Variants in RNF139 observed in about 807,000 individuals in gnomAD.
The protein encoded by RNF139 is E3 ubiquitin-protein ligase RNF139.
A neutral mutation model predicts 49.5 loss-of-function variants in RNF139; 15 were observed. The ratio of observed to expected loss-of-function variants is 0.30; its 90% CI spans 0.20 to 0.47. The LOEUF is 0.47. Among genes scored for constraint, RNF139 ranks in the 20% least tolerant of loss-of-function variants. RNF139 has a pLI of 1.00. For synonymous variants in RNF139, 325 were observed against 300.9 expected, an observed-to-expected ratio of 1.08 and a Z score of -0.83; for missense variants, 619 against 806.3, an observed-to-expected ratio of 0.77 and a Z score of 2.81.
Position 124,487,350 on chromosome 8 carries a change from C to A in RNF139, c.1701C>A (p.Phe567Leu). The A allele has an allele frequency of 6.2e-7, 1 of 1,614,120 alleles. No individual in the cohort carries two copies. Among genetic ancestry groups the A allele is most frequent in the Non-Finnish European group, 8.5e-7 (1 of 1,179,996 alleles). ...SARITPCNHYFHALCLRKWLY... is the reference protein window; with the variant it reads ...SARITPCNHYLHALCLRKWLY... ...GTATTACACCGTGTAATCATTATTT[C>A]CATGCACTTTGCCTTCGGAAATGGC... The change falls in exon 2 of 2, where the codon TTC becomes TTA. Residue 567 changes from phenylalanine to leucine, a missense_variant. Phe to Leu is a conservative substitution (Grantham distance 22, BLOSUM62 0). Transcript: ENST00000303545.
Position 124,487,005 on chromosome 8 carries a change from C to T in RNF139, c.1356C>T (p.Val452=). The T allele has an allele frequency of 6.2e-7, 1 of 1,614,020 alleles. No individual in the cohort carries two copies. The highest frequency in any genetic ancestry group is 1.1e-5 in the South Asian group (1 of 91,080). Residue 452 remains valine (V), a synonymous_variant, in exon 2 of 2, where the codon GTC becomes GTT. Transcript: ENST00000303545. ...TCATGATTGATGGCTACTATAATGT[C>T]CTCTGGGAAAAGCTTGACGATTATG... ...TLFMIDGYYN[V]LWEKLDDYVY...
chr8:124,483,026 TAAATA>T (rs1228090355), intron 1 of RNF139, among the ~76,000 whole-genome samples: 7 of 94,274 alleles, frequency 7.4e-5, no homozygotes, highest in African/African-American at 3.5e-4. Flanking sequence ...TATATATATT[TAAATA>T]TATATATATT....
chr8:124,475,674 G>A (rs1563628701), intron 1 of RNF139, among the ~76,000 whole-genome samples: 1 of 152,208 alleles, frequency 6.6e-6, no homozygotes, highest in Non-Finnish European at 1.5e-5. Context: ...CTGCCAAGGC[G>A]TGGGCCTCAG....
Position 124,487,137 on chromosome 8 carries a change from G to A in RNF139, c.1488G>A (p.Arg496=). 1 of 1,613,798 alleles carries A rather than the reference G, an allele frequency of 6.2e-7. No individual in the cohort carries two copies. Among genetic ancestry groups the A allele is most frequent in the Non-Finnish European group, 8.5e-7 (1 of 1,179,986 alleles). Residue 496 remains arginine, a synonymous_variant, in exon 2 of 2, where the codon CGG becomes CGA. Coordinates refer to ENST00000303545, the MANE Select transcript of RNF139 (RefSeq NM_007218.4). ...TGTTTGAGTCGGGAAGTAAAATTCG[G>A]GCTTTTATGATGTGCCTACATGCAT... The part of the protein sequence containing the change: ...TMMFESGSKI[R]AFMMCLHAYF...
intron 1 of RNF139, among the ~76,000 whole-genome samples, chr8:124,475,573 G>A (rs2131295534): frequency 6.6e-6 from 1 of 152,326 alleles, no homozygotes; most frequent in South Asian, 2.1e-4. Context: ...CGTTTGCCTT[G>A]GGAAATGAGT....
chr8:124,485,744 T>C, intron 1 of RNF139, 87 bp from the exon 2 acceptor site: 1 of 1,115,398 alleles, frequency 9.0e-7, no homozygotes, highest in Non-Finnish European at 1.3e-6. Flanking sequence ...TCATATTTCC[T>C]AATTAAAGGA....
chr8:124,488,469 G>T lies in RNF139; in HGVS notation c.*825G>T. On this transcript the variant is annotated 3_prime_UTR_variant, in exon 2 of 2. Coordinates refer to ENST00000303545, the MANE Select transcript of RNF139 (RefSeq NM_007218.4). ...CGAGAAAAAGAAGGGGAATGGTGGG[G>T]AATGGTGTGTACCGATATATAGTAT... The T allele has an allele frequency of 1.9e-6, 1 of 516,428 alleles. No homozygotes were observed. The highest frequency in any genetic ancestry group is 3.4e-5 in the South Asian group (1 of 29,184). The allele number at this position is 516,428 out of a possible 1,614,324, so 32.0% of individuals were successfully genotyped here.
intron 1 of RNF139, among the ~76,000 whole-genome samples, chr8:124,478,091 C>T (rs774305636): frequency 3.3e-5 from 5 of 151,406 alleles, no homozygotes; most frequent in East Asian, 1.9e-4. Flanking sequence ...TGCAGTGAGC[C>T]GAGATCGCTC....
At chr8:124,475,670 A>G (rs1222365116) in intron 1 of RNF139, among the ~76,000 whole-genome samples, 1 of 152,200 alleles carries the variant, frequency 6.6e-6, no homozygotes, top group Non-Finnish European at 1.5e-5. Context: ...ACTTCTGCCA[A>G]GGCGTGGGCC....
chr8:124,486,095 C>G lies in RNF139; in HGVS notation c.446C>G (p.Ser149Cys). The change falls in exon 2 of 2, where the codon TCC (serine) becomes TGC (cysteine). Residue 149 changes from serine to cysteine, a missense_variant. By Grantham distance (112) the Ser-to-Cys change is moderately radical. Around this residue, in one of 2 missense-constraint regions of RNF139, gnomAD observed 530 missense variants for 728.9 expected, o/e 0.73. Transcript: ENST00000303545. ...TACGTTACACTACTCCAGATTCATT[C>G]CATCTATTCACAATTAATTATTTTG... ...IGYVTLLQIH[S>C]IYSQLIILDL... 1 of 1,614,114 alleles carries G rather than the reference C, an allele frequency of 6.2e-7. No individual in the cohort carries two copies. The highest frequency in any genetic ancestry group is 8.5e-7 in the Non-Finnish European group (1 of 1,179,998).
intron 1 of RNF139, among the ~76,000 whole-genome samples, chr8:124,475,974 A>T (rs1480012475): frequency 6.6e-6 from 1 of 152,208 alleles, no homozygotes; most frequent in Non-Finnish European, 1.5e-5. Flanking sequence ...TTTCGTATGG[A>T]TGGAGTGTTA....
chr8:124,487,459 A>C lies in RNF139; in HGVS notation c.1810A>C (p.Asn604His), dbSNP rs1249116976. 1 of 1,614,124 alleles carries C rather than the reference A, an allele frequency of 6.2e-7. No homozygotes were observed. The change falls in exon 2 of 2, where the codon AAC becomes CAC. Residue 604 changes from asparagine to histidine, a missense_variant. By Grantham distance (68) the Asn-to-His change is moderately conservative (BLOSUM62 1). Coordinates refer to ENST00000303545, the MANE Select transcript of RNF139 (RefSeq NM_007218.4). ...DIKDNSNVSNNNGFIPPNETP... is the reference protein window; with the variant it reads ...DIKDNSNVSNHNGFIPPNETP... ...CAAGGATAATTCAAATGTATCTAAC[A>C]ACAATGGATTTATTCCACCCAATGA...
At position 124,475,145 on chromosome 8, in the gene RNF139, G is replaced by A; in HGVS notation, c.36G>A (p.Arg12=). The part of the protein sequence containing the change: ...AAVGPPQQQV[R]MAHQQVWAAL... Reference sequence around the variant, plus strand: ...TGGGGCCCCCGCAGCAGCAGGTGCGGATGGCCCATCAGCAGGTCTGGGCGG... The same window carrying A: ...TGGGGCCCCCGCAGCAGCAGGTGCGAATGGCCCATCAGCAGGTCTGGGCGG... The change falls in exon 1 of 2, where the codon CGG becomes CGA. Residue 12 remains arginine, a synonymous_variant. Coordinates refer to ENST00000303545, the MANE Select transcript of RNF139 (RefSeq NM_007218.4). 2 of 1,607,766 alleles carry A rather than the reference G, an allele frequency of 1.2e-6. No individual in the cohort carries two copies. Among genetic ancestry groups the A allele is most frequent in the Non-Finnish European group, 1.7e-6 (2 of 1,178,410 alleles).
intron 1 of RNF139, among the ~76,000 whole-genome samples, chr8:124,479,273 A>G (rs1816366077): frequency 6.6e-6 from 1 of 152,176 alleles, no homozygotes; most frequent in Non-Finnish European, 1.5e-5. Flanking sequence ...ATTCTAGGGA[A>G]TTGGCCTAGA....
At chr8:124,484,178 A>T (rs906883572) in intron 1 of RNF139, among the ~76,000 whole-genome samples, 1 of 152,202 alleles carries the variant, frequency 6.6e-6, no homozygotes, top group Non-Finnish European at 1.5e-5. Context: ...TGCTGTAGCT[A>T]TAGTGGAGAA....
At chr8:124,483,071 T>TAAAA (rs1816468308) in intron 1 of RNF139, among the ~76,000 whole-genome samples, 1 of 68,908 alleles carries the variant, frequency 1.5e-5, no homozygotes, top group Non-Finnish European at 2.6e-5. Flanking sequence ...AATATATATA[T>TAAAA]ATTATTTAAA....
intron 1 of RNF139, among the ~76,000 whole-genome samples, chr8:124,477,625 C>A (rs932304487): frequency 1.3e-5 from 2 of 152,072 alleles, no homozygotes; most frequent in African/African-American, 2.4e-5. Context: ...AGATTTCAAC[C>A]GGTTAGAAAA....
In RNF139 at chr8:124,485,844, C is replaced by T. The variant is rs779215538; in HGVS notation, c.195C>T (p.Ser65=). The change falls in exon 2 of 2, where the codon TCC becomes TCT. Residue 65 remains serine (S), a synonymous_variant. Transcript: ENST00000303545. ...IFLRLFGVFA[S]SIVLILSQRS... ...TCTTTCTTTTAGGTGTATTTGCATCCAGTATTGTTCTGATCTTGTCACAAC... is the reference window on the plus strand; with the variant it reads ...TCTTTCTTTTAGGTGTATTTGCATCTAGTATTGTTCTGATCTTGTCACAAC... The T allele has an allele frequency of 8.8e-6, 14 of 1,595,544 alleles. No homozygotes were observed. The East Asian group carries it at 2.2e-4, about 26-fold the overall frequency.
At position 124,488,389 on chromosome 8, in the gene RNF139, A is replaced by T. The variant is rs115239360; in HGVS notation, c.*745A>T. 535 of 360,604 alleles carry T rather than the reference A, an allele frequency of 1.5e-3. 3 individuals carry two copies. The highest frequency in any genetic ancestry group is 0.01 in the African/African-American group (481 of 47,076). 22.3% of individuals were successfully genotyped at this position (360,604 alleles called of 1,614,324 possible). The stretch of plus-strand genomic sequence containing the variant: ...TTACAAAACAAAAATAGTTTTTTTT[A>T]AATTGTTTTAAACTAAGATACTCAA... On this transcript the variant is annotated 3_prime_UTR_variant, in exon 2 of 2. Transcript: ENST00000303545.
Sources: gnomAD v4.1 joint callset for allele counts (sites outside exome capture counted in the v4.1 genomes callset) on GRCh38, gnomAD v4.1.1 for gene constraint, gnomAD v4.1.1 regional missense constraint, MANE v1.5 for transcripts, NCBI Gene and HGNC (gene_info 2026-07-23, HGNC 2026-07-21) for gene names.